Variants in KCTD5 observed in about 807,000 individuals in gnomAD.
KCTD5 encodes BTB/POZ domain-containing protein KCTD5.
KCTD5 carries 12 observed loss-of-function variants against 27.9 expected under a neutral mutation model. That is an observed-to-expected ratio of 0.43 (90% confidence interval 0.28 to 0.70). The LOEUF (loss-of-function observed/expected upper bound fraction) is 0.70, where lower values mean the gene tolerates loss of function less well. Ranked by LOEUF, KCTD5 falls within the 30% of genes least tolerant of loss-of-function variation. KCTD5 has a pLI of 0.19. For missense variants in KCTD5, 226 were observed against 274.8 expected (o/e 0.82, Z 1.26); for synonymous variants, 147 against 121.4 (o/e 1.21, Z -1.39).
chr16:2,685,114 G>A (rs1489494746), intron 1 of KCTD5, among the ~76,000 whole-genome samples: 3 of 152,260 alleles, frequency 2.0e-5, no homozygotes, highest in Middle Eastern at 3.4e-3. Flanking sequence ...AGATACAGTC[G>A]TCTCTGTCTC....
chr16:2,705,128 C>T (rs1412166819), intron 5 of KCTD5, among the ~76,000 whole-genome samples: 4 of 152,226 alleles, frequency 2.6e-5, no homozygotes, highest in African/African-American at 7.2e-5. Context: ...GCGCTGCACG[C>T]CGCCAGAGTG....
chr16:2,690,376 C>T (rs969870830), intron 1 of KCTD5, among the ~76,000 whole-genome samples: 18 of 152,246 alleles, frequency 1.2e-4, no homozygotes, highest in African/African-American at 3.9e-4. Flanking sequence ...AAGCCTGGGA[C>T]CTCTGGAGAT....
At chr16:2,707,249 G>C in intron 5 of KCTD5, 49 bp from the exon 6 acceptor site, 1 of 1,595,656 alleles carries the variant, frequency 6.3e-7, no homozygotes, top group Non-Finnish European at 8.6e-7. Context: ...CCTGGTCAGG[G>C]ACACCTCCTC....
chr16:2,687,371 C>T lies in KCTD5; in HGVS notation c.252+4571C>T, dbSNP rs138151807. On this transcript the variant is annotated intron_variant, in intron 1 of 5. Transcript: ENST00000301738. ...CGGCATTCTCGCCTCCAGACTTCTG[C>T]GGGTGGCTGGGAGGAAATGCTGTCG... Among the ~76,000 whole-genome samples, 500 of 152,330 alleles carry T rather than the reference C, an allele frequency of 3.3e-3. 3 individuals carry two copies. Among genetic ancestry groups the T allele is most frequent in the African/African-American group, 0.011 (451 of 41,570 alleles).
chr16:2,703,615 C>T (rs963183504), intron 5 of KCTD5, among the ~76,000 whole-genome samples: 29 of 152,200 alleles, frequency 1.9e-4, no homozygotes, highest in East Asian at 7.7e-4. Context: ...GGGGTGGGGC[C>T]GCCAAGCATG....
rs552721561 is a variant in KCTD5 at position 2,692,894 on chromosome 16, C to G, written c.253-3041C>G. 2.0e-5 allele frequency among the ~76,000 whole-genome samples: 3 copies of G among 152,386 alleles called. No individual in the cohort carries two copies. In the South Asian group the frequency reaches 6.2e-4, roughly 32 times the overall value. On this transcript the variant is annotated intron_variant, in intron 1 of 5. Transcript: ENST00000301738. ...GCCCGGCAGAGGGGCCTTTCTGGGCCCCCAAGAGTGCAGGGATGCCTGAGG... is the reference window on the plus strand; with the variant it reads ...GCCCGGCAGAGGGGCCTTTCTGGGCGCCCAAGAGTGCAGGGATGCCTGAGG...
rs1271116620 is a variant in KCTD5, at chr16:2,699,835, T to C, written c.468T>C (p.His156=). ...TGTCCTTGCAGGTGCCTGTGAAGCA[T>C]GTGTACCGTGTGCTGCAGTGCCAGG... is the stretch of plus-strand genomic sequence containing the variant. The part of the protein sequence containing the change: ...DSKTSQVPVK[H]VYRVLQCQEE... Residue 156 remains histidine, a synonymous_variant, in exon 4 of 6, where the codon CAT becomes CAC. Transcript: ENST00000301738. 3 of 1,613,582 alleles carry C rather than the reference T, an allele frequency of 1.9e-6. No individual in the cohort carries two copies. The highest frequency in any genetic ancestry group is 2.5e-6 in the Non-Finnish European group (3 of 1,179,786).
chr16:2,684,426 TC>T (rs1203879657), intron 1 of KCTD5: 1 of 150,056 alleles, frequency 6.7e-6, no homozygotes, highest in Admixed American at 6.6e-5. Context: ...CAGGTGGATC[TC>T]GTTCAAAACC....
chr16:2,682,678 A>C lies in KCTD5; in HGVS notation c.130A>C (p.Lys44Gln), dbSNP rs1443930195. 1 of 1,607,830 alleles carries C rather than the reference A, an allele frequency of 6.2e-7. No homozygotes were observed. Among genetic ancestry groups the C allele is most frequent in the Non-Finnish European group, 8.5e-7 (1 of 1,177,968 alleles). Residue 44 changes from lysine to glutamine, a missense_variant, in exon 1 of 6, where the codon AAG (lysine) becomes CAG (glutamine). Physicochemically the swap from Lys to Gln is moderately conservative, Grantham distance 53. Around this residue, in one of 2 missense-constraint regions of KCTD5, gnomAD observed 91 missense variants for 67.8 expected, o/e 1.34. Transcript: ENST00000301738. ...ALAQRPGSVS[K>Q]WVRLNVGGTY... is the part of the protein sequence containing the mutation. ...GGCCCAGCGCCCTGGCAGCGTGTCCAAGTGGGTCCGACTCAACGTCGGCGG... is the reference window on the plus strand; with the variant it reads ...GGCCCAGCGCCCTGGCAGCGTGTCCCAGTGGGTCCGACTCAACGTCGGCGG...
chr16:2,705,044 C>T (rs2067629092), intron 5 of KCTD5, among the ~76,000 whole-genome samples: 2 of 152,204 alleles, frequency 1.3e-5, no homozygotes, highest in South Asian at 2.1e-4. Context: ...TGGAAGGTCA[C>T]CGGGCGTGGG....
At chr16:2,698,090 C>T (rs2067594474) in intron 3 of KCTD5, 93 bp downstream of exon 3, 1 of 881,650 alleles carries the variant, frequency 1.1e-6, no homozygotes, top group African/African-American at 1.7e-5. Flanking sequence ...CCAAATAAGT[C>T]CTGCGGTCTG....
chr16:2,688,230 T>TAAATAA (rs1236371990), intron 1 of KCTD5, among the ~76,000 whole-genome samples: 11 of 82,862 alleles, frequency 1.3e-4, no homozygotes, highest in African/African-American at 5.0e-4. Context: ...AATAAATAAA[T>TAAATAA]ATATATATAT....
At chr16:2,702,855 G>A (rs1052513691) in intron 5 of KCTD5, among the ~76,000 whole-genome samples, 2 of 152,058 alleles carry the variant, frequency 1.3e-5, no homozygotes, top group African/African-American at 4.8e-5. Flanking sequence ...ATAGGGGTCT[G>A]GGCCATCCCT....
intron 1 of KCTD5, among the ~76,000 whole-genome samples, chr16:2,687,744 C>T (rs1346725767): frequency 6.6e-6 from 1 of 152,148 alleles, no homozygotes; most frequent in East Asian, 1.9e-4. Flanking sequence ...TTTAGCAGCC[C>T]CCCTCCACGC....
chr16:2,698,268 G>A (rs1351341051), intron 3 of KCTD5, among the ~76,000 whole-genome samples: 1 of 152,246 alleles, frequency 6.6e-6, no homozygotes, highest in Non-Finnish European at 1.5e-5. Context: ...CGGGAGACGT[G>A]TGTAGGGAAG....
chr16:2,704,357 G>A (rs996067559), intron 5 of KCTD5, among the ~76,000 whole-genome samples: 3 of 152,356 alleles, frequency 2.0e-5, no homozygotes, highest in Admixed American at 1.3e-4. Flanking sequence ...CCTGCAGCAT[G>A]TGTGGCCTGG....
chr16:2,705,972 A>G (rs568783877), intron 5 of KCTD5, among the ~76,000 whole-genome samples: 4 of 152,184 alleles, frequency 2.6e-5, no homozygotes, highest in South Asian at 2.1e-4. Context: ...ACTTAGTTTT[A>G]CACAGGGCTG....
chr16:2,692,048 G>C (rs2067569158), intron 1 of KCTD5, among the ~76,000 whole-genome samples: 1 of 152,184 alleles, frequency 6.6e-6, no homozygotes, highest in Admixed American at 6.5e-5. Flanking sequence ...ACTGAGACGA[G>C]CTGGGCAGAG....
intron 4 of KCTD5, among the ~76,000 whole-genome samples, 189 bp downstream of exon 4, chr16:2,700,105 G>A (rs2067604389): frequency 6.6e-6 from 1 of 152,134 alleles, no homozygotes. Flanking sequence ...GGGTGGGGTG[G>A]GCAGAGGTGT....
Sources: allele counts gnomAD v4.1 joint callset (sites outside exome capture counted in the v4.1 genomes callset), GRCh38; gene constraint gnomAD v4.1.1; regional missense constraint gnomAD v4.1.1; transcripts MANE v1.5; gene names NCBI Gene and HGNC (gene_info 2026-07-23, HGNC 2026-07-21).